Variants in TRIM3 observed in about 807,000 individuals in gnomAD.
TRIM3 encodes the protein tripartite motif-containing protein 3.
TRIM3 carries 13 observed loss-of-function variants against 66.6 expected under a neutral mutation model. That is an observed-to-expected ratio of 0.20 (90% confidence interval 0.13 to 0.31). The LOEUF is 0.31. TRIM3 is among the 10% of genes least tolerant of loss of function. The probability of loss-of-function intolerance (pLI) is 1.00; values close to 1 mark genes in which losing one functional copy is unlikely to be tolerated. For missense variants in TRIM3, 711 were observed against 1,020.4 expected, an observed-to-expected ratio of 0.70 and a Z score of 4.13; for synonymous variants, 406 against 411.7, an observed-to-expected ratio of 0.99 and a Z score of 0.17.
intron 7 of TRIM3, 197 bp from the exon 8 acceptor site, chr11:6,451,635 C>G: frequency 3.4e-6 from 2 of 596,162 alleles, no homozygotes; most frequent in South Asian, 4.2e-5. Flanking sequence ...ATTGTGAGAA[C>G]ATGAAGGGAT....
rs376098931 is a variant in TRIM3 at position 6,457,347 on chromosome 11, G to C, written c.645C>G (p.Arg215=). The change falls in exon 5 of 12, where the codon CGC becomes CGG. Residue 215 remains arginine (R), a synonymous_variant. Transcript: ENST00000345851. The surrounding 1 kb of genome is among the most constrained non-coding windows in gnomAD (Gnocchi z 4.5). ...FEDLEQALQQ[R]KQALVSDLET... is the part of the protein sequence containing the mutation. ...CCAGGTCGCTGACCAGAGCCTGCTTGCGCTGCTGCAGTGCTTGCTCCAGGT... is the reference window on the plus strand; with the variant it reads ...CCAGGTCGCTGACCAGAGCCTGCTTCCGCTGCTGCAGTGCTTGCTCCAGGT... 5.0e-5 allele frequency: 81 copies of C among 1,614,056 alleles called. No homozygotes were observed. The highest frequency in any genetic ancestry group is 6.8e-5 in the Non-Finnish European group (80 of 1,180,052).
chr11:6,471,975 A>G lies in TRIM3; in HGVS notation c.-38+1816T>C, dbSNP rs147444184. On this transcript the variant is annotated intron_variant, in intron 1 of 11. Coordinates refer to ENST00000345851, the MANE Select transcript of TRIM3 (RefSeq NM_033278.4). ...ATAAAAATAAATATGCTAAAAATAA[A>G]TAAATCTAAATAAATAAATAAATAA... is the stretch of plus-strand genomic sequence containing the variant. Among the ~76,000 whole-genome samples, 766 of 152,292 alleles carry G rather than the reference A, an allele frequency of 5.0e-3. 3 individuals are homozygous for G. Among genetic ancestry groups the G allele is most frequent in the Middle Eastern group, 0.024 (7 of 294 alleles).
Position 6,450,499 on chromosome 11 carries a change from G to A in TRIM3, c.1941+52C>T, listed in dbSNP as rs1000736697. 4 of 1,503,446 alleles carry A rather than the reference G, an allele frequency of 2.7e-6. No individual in the cohort carries two copies. The African/African-American group carries it at 5.5e-5, about 21-fold the overall frequency. The allele number at this position is 1,503,446 out of a possible 1,614,324, so 93.1% of individuals were successfully genotyped here. On this transcript the variant is annotated intron_variant, in intron 10 of 11. Transcript: ENST00000345851. This position sits in a 1 kb window ranked among gnomAD's most constrained non-coding sequence, Gnocchi z 4.8. Reference sequence around the variant, plus strand: ...AGGTAAAATAGAGAGGAGTCTTGTGGAAGAGGAAAGGATGTTGGGACAGTG... The same window carrying A: ...AGGTAAAATAGAGAGGAGTCTTGTGAAAGAGGAAAGGATGTTGGGACAGTG...
rs544174819 is a variant in TRIM3, at chr11:6,458,732, C to T, written c.132-436G>A. Among the ~76,000 whole-genome samples, 57 of 152,278 alleles carry T rather than the reference C, an allele frequency of 3.7e-4. No individual in the cohort carries two copies. Among genetic ancestry groups the T allele is most frequent in the African/African-American group, 1.2e-3 (51 of 41,546 alleles). ...ACTTCCCATCTACAGAGAAAAAAGT[C>T]ACAGGAATAGTACAGAAGTAAATAG... On this transcript the variant is annotated intron_variant, in intron 2 of 11. Transcript: ENST00000345851. This position sits in a 1 kb window ranked among gnomAD's most constrained non-coding sequence, Gnocchi z 6.2.
Position 6,455,419 on chromosome 11 carries a change from TTAC to T in TRIM3, c.1533+650_1533+652del, listed in dbSNP as rs537951196. Among the ~76,000 whole-genome samples, 24 of 152,208 alleles carry T rather than the reference TTAC, an allele frequency of 1.6e-4. No homozygotes were observed. The South Asian group carries it at 3.9e-3, about 25-fold the overall frequency. On this transcript the variant is annotated intron_variant, in intron 7 of 11. Transcript: ENST00000345851. ...GCCCACTGTACTAGGCTCTGAGCTT[TTAC>T]TACAAGAAACAGAGGGAAAAAAAGG...
chr11:6,458,398 C>A lies in TRIM3; in HGVS notation c.132-102G>T. On this transcript the variant is annotated intron_variant, in intron 2 of 11. Coordinates refer to ENST00000345851, the MANE Select transcript of TRIM3 (RefSeq NM_033278.4). This position sits in a 1 kb window ranked among gnomAD's most constrained non-coding sequence, Gnocchi z 6.2. ...GCCAACCCCTTCCCTCACAGGTGTGCCATTACACTTCATTTTAAAACCTCT... is the reference window on the plus strand; with the variant it reads ...GCCAACCCCTTCCCTCACAGGTGTGACATTACACTTCATTTTAAAACCTCT... 1.1e-6 allele frequency: 1 copy of A among 909,638 alleles called. No homozygotes were observed. Among genetic ancestry groups the A allele is most frequent in the East Asian group, 2.6e-5 (1 of 38,892 alleles). 56.3% of individuals were successfully genotyped at this position (909,638 alleles called of 1,614,324 possible).
intron 7 of TRIM3, chr11:6,451,934 T>C (rs979206848): frequency 1.3e-4 from 20 of 153,720 alleles, no homozygotes; most frequent in African/African-American, 4.6e-4. Flanking sequence ...ACAAGATCAA[T>C]TTTGCTTTTA....
At chr11:6,465,944 T>A (rs73400831) in intron 1 of TRIM3, among the ~76,000 whole-genome samples, 56 of 152,362 alleles carry the variant, frequency 3.7e-4, no homozygotes, top group African/African-American at 1.2e-3. Flanking sequence ...GTTTCAAACC[T>A]GGCTCAGTCT....
At chr11:6,474,155 CCGGATCCCGGATCT>C (rs1281751672), upstream of TRIM3, 48 of 151,980 alleles carry the variant, frequency 3.2e-4, no homozygotes, top group Admixed American at 3.3e-4. Flanking sequence ...GGCCGGCGAG[CCGGATCCCGGATCT>C]CGGATCCCGG....
Position 6,450,721 on chromosome 11 carries a change from T to G in TRIM3, c.1871-100A>C. ...AAAAGCTAGGGTGTTAGGAGAGGGGTGGGGTCTCCAGGACTGAGACAAATT... is the reference window on the plus strand; with the variant it reads ...AAAAGCTAGGGTGTTAGGAGAGGGGGGGGGTCTCCAGGACTGAGACAAATT... On this transcript the variant is annotated intron_variant, in intron 9 of 11. Transcript: ENST00000345851. The surrounding 1 kb of genome is among the most constrained non-coding windows in gnomAD (Gnocchi z 4.8). The G allele has an allele frequency of 7.1e-7, 1 of 1,399,820 alleles. No homozygotes were observed. The highest frequency in any genetic ancestry group is 1.0e-6 in the Non-Finnish European group (1 of 991,586). 86.7% of individuals were successfully genotyped at this position (1,399,820 alleles called of 1,614,324 possible).
rs755614612 is a variant in TRIM3, at chr11:6,449,081, C to G, written c.2182G>C (p.Val728Leu). ...CAGTGGTTGCCAGCATCAGCCACCA[C>G]CACATGGCCATCCGAGGTCAGTGCC... is the stretch of plus-strand genomic sequence containing the variant. ...GLALTSDGHV[V>L]VADAGNHCFK... Residue 728 changes from valine (V) to leucine (L), a missense_variant, in exon 12 of 12, where the codon GTG (valine) becomes CTG (leucine). By Grantham distance (32) the Val-to-Leu change is conservative. This residue lies in a region of TRIM3 where 163 missense variants were observed against 321.9 expected (regional missense o/e 0.51). Coordinates refer to ENST00000345851, the MANE Select transcript of TRIM3 (RefSeq NM_033278.4). This position sits in a 1 kb window ranked among gnomAD's most constrained non-coding sequence, Gnocchi z 5.3. 1 of 1,614,198 alleles carries G rather than the reference C, an allele frequency of 6.2e-7. No homozygotes were observed. The highest frequency in any genetic ancestry group is 2.2e-5 in the East Asian group (1 of 44,888).
intron 7 of TRIM3, among the ~76,000 whole-genome samples, chr11:6,454,283 C>T (rs573275029): frequency 7.2e-4 from 109 of 151,050 alleles, no homozygotes; most frequent in Admixed American, 1.9e-3. Context: ...CCCAGCTACT[C>T]GGGAGGCTGA....
intron 1 of TRIM3, among the ~76,000 whole-genome samples, chr11:6,467,546 G>A (rs117376787): frequency 0.015 from 2,232 of 152,246 alleles, 26 homozygotes; most frequent in Non-Finnish European, 0.019. Flanking sequence ...CAGGAAGATC[G>A]TTTGAGCCCA....
Position 6,448,742 on chromosome 11 carries a change from G to T in TRIM3, c.*286C>A. On this transcript the variant is annotated 3_prime_UTR_variant, in exon 12 of 12. Coordinates refer to ENST00000345851, the MANE Select transcript of TRIM3 (RefSeq NM_033278.4). Reference sequence around the variant, plus strand: ...AGGCTGTTCTGGCCCCAGGCTGGGGGATGGGGAGCAGACTGACAGGGGTGG... The same window carrying T: ...AGGCTGTTCTGGCCCCAGGCTGGGGTATGGGGAGCAGACTGACAGGGGTGG... 1.6e-6 allele frequency: 1 copy of T among 613,450 alleles called. No individual in the cohort carries two copies. The allele number at this position is 613,450 out of a possible 1,614,324, so 38.0% of individuals were successfully genotyped here. A position where few individuals can be genotyped will look rare whatever the true frequency, so the allele number is the denominator to read the frequency against.
intron 2 of TRIM3, among the ~76,000 whole-genome samples, chr11:6,463,717 G>A (rs989874329): frequency 5.3e-5 from 8 of 152,182 alleles, no homozygotes; most frequent in African/African-American, 1.7e-4. Flanking sequence ...GAACGTTGGC[G>A]TTTATGACTA....
At chr11:6,469,119 G>A (rs1220770027) in intron 1 of TRIM3, among the ~76,000 whole-genome samples, 1 of 152,242 alleles carries the variant, frequency 6.6e-6, no homozygotes, top group Non-Finnish European at 1.5e-5. Flanking sequence ...GTTGGCGGAA[G>A]GACCAGGAGG....
chr11:6,465,568 T>G lies in TRIM3; in HGVS notation c.128A>C (p.Glu43Ala). The G allele has an allele frequency of 6.2e-7, 1 of 1,613,994 alleles. No homozygotes were observed. Among genetic ancestry groups the G allele is most frequent in the Middle Eastern group, 1.6e-4 (1 of 6,062 alleles). ...KVLPCLHTFC[E>A]RCLQNYIPAQ... The stretch of plus-strand genomic sequence containing the variant: ...CCCAGTACACACATCCCCTCACCTC[T>G]CACAGAAGGTGTGCAGGCAAGGAAG... Residue 43 changes from glutamate to alanine, a missense_variant, in exon 2 of 12, where the codon GAG becomes GCG. By Grantham distance (107) the Glu-to-Ala change is moderately radical. Transcript: ENST00000345851.
chr11:6,463,066 G>A (rs1850312611), intron 2 of TRIM3, among the ~76,000 whole-genome samples: 1 of 151,876 alleles, frequency 6.6e-6, no homozygotes, highest in Admixed American at 6.6e-5. Flanking sequence ...TTAACCGGAT[G>A]TGGTGGCGTG....
intron 1 of TRIM3, among the ~76,000 whole-genome samples, chr11:6,471,483 T>C (rs1432407619): frequency 2.0e-5 from 3 of 152,216 alleles, no homozygotes; most frequent in Non-Finnish European, 2.9e-5. Flanking sequence ...ATGAAATTCA[T>C]GGCCATCTCC....
Sources: allele counts gnomAD v4.1 joint callset (sites outside exome capture counted in the v4.1 genomes callset), GRCh38; gene constraint gnomAD v4.1.1; regional missense constraint gnomAD v4.1.1; non-coding constraint Gnocchi (gnomAD v3.1); transcripts MANE v1.5; gene names NCBI Gene and HGNC (gene_info 2026-07-23, HGNC 2026-07-21).